ADCY8: variants seen among roughly 807,000 people sequenced by gnomAD.
ADCY8 encodes adenylate cyclase type 8.
In ADCY8, 51 loss-of-function variants were observed where a neutral mutation model predicts 119.7. That is an observed-to-expected ratio of 0.43 (90% CI 0.34 to 0.54). The LOEUF (loss-of-function observed/expected upper bound fraction) is 0.54. Ranked by LOEUF, ADCY8 falls within the 20% of genes least tolerant of loss-of-function variation. ADCY8 has a pLI of 0.03. For synonymous variants in ADCY8, 665 were observed against 651.0 expected, an observed-to-expected ratio of 1.02 and a Z score of -0.33; for missense variants, 1,383 against 1,598.8, an observed-to-expected ratio of 0.87 and a Z score of 2.30.
intron 1 of ADCY8, among the ~76,000 whole-genome samples, chr8:131,013,059 G>A (rs1823360298): frequency 1.3e-5 from 2 of 152,156 alleles, no homozygotes; most frequent in South Asian, 4.1e-4. Flanking sequence ...AGGTTATTAG[G>A]TTAATGTTGA....
At chr8:130,968,143 A>G (rs948264348) in intron 2 of ADCY8, among the ~76,000 whole-genome samples, 1 of 152,038 alleles carries the variant, frequency 6.6e-6, no homozygotes, top group Non-Finnish European at 1.5e-5. Context: ...AGAATTTAAA[A>G]TCATAAAAAA....
intron 9 of ADCY8, among the ~76,000 whole-genome samples, chr8:130,852,210 T>C (rs1817553251): frequency 6.6e-6 from 1 of 152,198 alleles, no homozygotes; most frequent in Non-Finnish European, 1.5e-5. Context: ...ACTTTAAGGC[T>C]GGAAAGTGAC....
At chr8:130,980,726 C>T (rs1157347766) in intron 2 of ADCY8, among the ~76,000 whole-genome samples, 1 of 152,192 alleles carries the variant, frequency 6.6e-6, no homozygotes, top group African/African-American at 2.4e-5. Context: ...TGCCAGATTT[C>T]CTTTTGCTTT....
chr8:130,938,647 A>G, intron 4 of ADCY8, among the ~76,000 whole-genome samples: 1 of 152,242 alleles, frequency 6.6e-6, no homozygotes, highest in East Asian at 1.9e-4. Flanking sequence ...GGAGTTGGAC[A>G]TTATGTTTGG....
At chr8:130,996,179 TAAAGA>T (rs982359857) in intron 1 of ADCY8, among the ~76,000 whole-genome samples, 1 of 151,998 alleles carries the variant, frequency 6.6e-6, no homozygotes, top group African/African-American at 2.4e-5. Context: ...TTACAAAAGA[TAAAGA>T]AGAGAGGTAT....
intron 11 of ADCY8, 59 bp downstream of exon 11, chr8:130,847,365 G>A: frequency 7.8e-7 from 1 of 1,288,982 alleles, no homozygotes; most frequent in Non-Finnish European, 1.1e-6. Context: ...TGTTTATTTG[G>A]AGCTGGTAGA....
In ADCY8 at chr8:130,847,488, A is replaced by C; in HGVS notation, c.2438T>G (p.Ile813Arg). Reference sequence around the variant, plus strand: ...ATTGAAAGTCAGGTTCTTCAAGGGTATCGACTTGTCAAAATCACACCACAG... The same window carrying C: ...ATTGAAAGTCAGGTTCTTCAAGGGTCTCGACTTGTCAAAATCACACCACAG... ...NILWCDFDKS[I>R]PLKNLTFNSS... The change falls in exon 11 of 18, where the codon ATA becomes AGA. Residue 813 changes from isoleucine (I) to arginine (R), a missense_variant. Ile to Arg is a moderately conservative substitution (Grantham distance 97, BLOSUM62 -3). Transcript: ENST00000286355. 1 of 1,609,174 alleles carries C rather than the reference A, an allele frequency of 6.2e-7. No individual in the cohort carries two copies. The highest frequency in any genetic ancestry group is 8.5e-7 in the Non-Finnish European group (1 of 1,176,370).
chr8:131,004,418 A>T (rs917859841), intron 1 of ADCY8, among the ~76,000 whole-genome samples: 1 of 152,014 alleles, frequency 6.6e-6, no homozygotes, highest in African/African-American at 2.4e-5. Context: ...CTTCCTCCTC[A>T]TCTGTCTGAC....
At chr8:130,860,676 A>G (rs1280264882) in intron 9 of ADCY8, among the ~76,000 whole-genome samples, 2 of 152,138 alleles carry the variant, frequency 1.3e-5, no homozygotes, top group Non-Finnish European at 2.9e-5. Flanking sequence ...CAGAACGTGC[A>G]GGTTTGTTAC....
At chr8:130,956,746 T>C (rs1158894763) in intron 2 of ADCY8, among the ~76,000 whole-genome samples, 1 of 152,188 alleles carries the variant, frequency 6.6e-6, no homozygotes, top group Non-Finnish European at 1.5e-5. Flanking sequence ...GTTTCTTCCT[T>C]ACTGTTCTCA....
chr8:130,880,631 T>C (rs1047632882), intron 8 of ADCY8, among the ~76,000 whole-genome samples: 5 of 152,192 alleles, frequency 3.3e-5, no homozygotes, highest in Non-Finnish European at 7.3e-5. Context: ...TCCTCTCCCC[T>C]ATCCAGAGTT....
chr8:131,034,508 G>C (rs574647851), intron 1 of ADCY8, among the ~76,000 whole-genome samples: 1 of 152,182 alleles, frequency 6.6e-6, no homozygotes, highest in African/African-American at 2.4e-5. Flanking sequence ...TAGGCTAAAT[G>C]TCCCTCATTG....
chr8:130,997,850 G>T (rs1342396136), intron 1 of ADCY8, among the ~76,000 whole-genome samples: 2 of 152,076 alleles, frequency 1.3e-5, no homozygotes, highest in African/African-American at 4.8e-5. Context: ...CCAACCTACG[G>T]CTCTACCTGG....
chr8:131,033,902 C>T (rs1392152564), intron 1 of ADCY8, among the ~76,000 whole-genome samples: 1 of 151,752 alleles, frequency 6.6e-6, no homozygotes, highest in African/African-American at 2.4e-5. Flanking sequence ...TCAGAGGAAT[C>T]TCTTGGGAAG....
In ADCY8 at chr8:131,040,502, T is replaced by A. The variant is rs1824358353; in HGVS notation, c.-169A>T. On this transcript the variant is annotated 5_prime_UTR_variant, in exon 1 of 18. Transcript: ENST00000286355. ...GGGCTCCCTGTAGGTCGGGTCATAC[T>A]GTGCCCAGGGGCAAAGGGCACCTGG... The A allele has an allele frequency of 2.6e-6, 2 of 774,248 alleles. No homozygotes were observed. The highest frequency in any genetic ancestry group is 1.8e-6 in the Non-Finnish European group (1 of 555,774). 48.0% of individuals were successfully genotyped at this position (774,248 alleles called of 1,614,324 possible). A position where few individuals can be genotyped will look rare whatever the true frequency, so the allele number is the denominator to read the frequency against.
chr8:130,978,262 C>T (rs1034815837), intron 2 of ADCY8, among the ~76,000 whole-genome samples: 1 of 152,092 alleles, frequency 6.6e-6, no homozygotes, highest in African/African-American at 2.4e-5. Flanking sequence ...ATATTTACAT[C>T]CCTGTAATTA....
At chr8:130,866,073 T>G (rs1429432694) in intron 9 of ADCY8, among the ~76,000 whole-genome samples, 2 of 152,248 alleles carry the variant, frequency 1.3e-5, no homozygotes, top group East Asian at 3.9e-4. Flanking sequence ...ATCACACAGA[T>G]TTTGGGGCTA....
chr8:130,901,242 C>CTG (rs1819590633), intron 7 of ADCY8, among the ~76,000 whole-genome samples: 1 of 115,582 alleles, frequency 8.7e-6, no homozygotes, highest in African/African-American at 3.3e-5. Context: ...CATCCCTCCT[C>CTG]TTTTTTTTTT....
At chr8:130,869,380 G>C (rs1454407588) in intron 8 of ADCY8, among the ~76,000 whole-genome samples, 1 of 151,952 alleles carries the variant, frequency 6.6e-6, no homozygotes. Context: ...ACACAGAGCA[G>C]CTTGAAAATT....
Sources: gnomAD v4.1 joint callset for allele counts (sites outside exome capture counted in the v4.1 genomes callset) on GRCh38, gnomAD v4.1.1 for gene constraint, MANE v1.5 for transcripts, NCBI Gene and HGNC (gene_info 2026-07-23, HGNC 2026-07-21) for gene names.